Variants in GRIP1 observed in about 807,000 individuals in gnomAD.
GRIP1 encodes the protein glutamate receptor interacting protein 1, also known as glutamate receptor-interacting protein 1.
GRIP1 carries 45 observed loss-of-function variants against 129.9 expected under a neutral mutation model. That is an observed-to-expected ratio of 0.35 (90% CI 0.27 to 0.44). The LOEUF (loss-of-function observed/expected upper bound fraction) is 0.44, where lower values mean the gene tolerates loss of function less well. GRIP1 is among the 20% of genes least tolerant of loss of function. The probability of loss-of-function intolerance (pLI) is 1.00; values close to 1 mark genes in which losing one functional copy is unlikely to be tolerated. For synonymous variants in GRIP1, 530 were observed against 520.8 expected (o/e 1.02, Z -0.24); for missense variants, 1,196 against 1,396.8 (o/e 0.86, Z 2.29).
intron 7 of GRIP1, among the ~76,000 whole-genome samples, chr12:66,470,156 T>C (rs1037094472): frequency 3.3e-5 from 5 of 152,166 alleles, no homozygotes; most frequent in African/African-American, 1.2e-4. Flanking sequence ...ATCCTTTAAA[T>C]TGAATATCTC....
At chr12:66,863,041 G>C (rs2040140209) in intron 1 of GRIP1, among the ~76,000 whole-genome samples, 1 of 151,572 alleles carries the variant, frequency 6.6e-6, no homozygotes, top group South Asian at 2.1e-4. Flanking sequence ...TCAGAAAAAG[G>C]AATAATGTTC....
At chr12:66,665,079 T>A (rs2033721774) in intron 1 of GRIP1, among the ~76,000 whole-genome samples, 1 of 152,136 alleles carries the variant, frequency 6.6e-6, no homozygotes, top group Non-Finnish European at 1.5e-5. Context: ...AGTGGGGCGA[T>A]CACTGCTCAC....
chr12:66,946,149 A>T (rs1367483077), intron 1 of GRIP1, among the ~76,000 whole-genome samples: 3 of 152,192 alleles, frequency 2.0e-5, no homozygotes, highest in Non-Finnish European at 4.4e-5. Context: ...CTTTTCAAAA[A>T]TTCTGACATG....
intron 1 of GRIP1, among the ~76,000 whole-genome samples, chr12:66,624,984 A>G (rs777819232): frequency 6.7e-6 from 1 of 149,186 alleles, no homozygotes; most frequent in Admixed American, 6.7e-5. Context: ...TTACTTTTAG[A>G]TCATGTATTT....
intron 14 of GRIP1, among the ~76,000 whole-genome samples, chr12:66,425,572 C>T (rs938251075): frequency 9.2e-5 from 14 of 152,156 alleles, no homozygotes; most frequent in African/African-American, 3.1e-4. Context: ...AGAACCAACC[C>T]AAATGTCCAA....
In GRIP1 at chr12:66,736,346, A is replaced by ATTTTTTTTTTTTTTTTTTTTT. The variant is rs547706592; in HGVS notation, c.-420+67686_-420+67706dup. On this transcript the variant is annotated intron_variant, in intron 1 of 4. Transcript: ENST00000538373. The stretch of plus-strand genomic sequence containing the variant: ...AGGTGTGCACCACCGTGCCTGGCTA[A>ATTTTTTTTTTTTTTTTTTTTT]TTTTTTTTTTTTTTTTTTTTTTTTT... Among the ~76,000 whole-genome samples the ATTTTTTTTTTTTTTTTTTTTT allele has an allele frequency of 4.5e-5, 3 of 67,004 alleles. 1 individual carries two copies. The highest frequency in any genetic ancestry group is 6.5e-5 in the African/African-American group (1 of 15,360). 44.0% of individuals were successfully genotyped at this position (67,004 alleles called of 152,430 possible).
rs560018284 is a variant in GRIP1, at chr12:66,689,909, AT to A, written c.-419-59574del. 5.9e-5 allele frequency among the ~76,000 whole-genome samples: 9 copies of A among 151,898 alleles called. No homozygotes were observed. The South Asian group carries it at 1.9e-3, about 32-fold the overall frequency. On this transcript the variant is annotated intron_variant, in intron 1 of 4. Transcript: ENST00000538373. ...ATGTATTGTAATTTTAAAATTATTT[AT>A]TTTTATTTATTTATTTATTTATTTT... is the stretch of plus-strand genomic sequence containing the variant.
At chr12:66,369,062 C>G (rs1173007985) in intron 23 of GRIP1, among the ~76,000 whole-genome samples, 1 of 152,160 alleles carries the variant, frequency 6.6e-6, no homozygotes, top group Non-Finnish European at 1.5e-5. Flanking sequence ...ATGTCTAGGA[C>G]ACCACTTATT....
chr12:67,002,343 A>T (rs1269339591), intron 1 of GRIP1, among the ~76,000 whole-genome samples: 1 of 152,216 alleles, frequency 6.6e-6, no homozygotes, highest in Non-Finnish European at 1.5e-5. Flanking sequence ...TCACTGACCT[A>T]AATATTAAAG....
At chr12:66,717,008 T>G (rs559098935) in intron 1 of GRIP1, among the ~76,000 whole-genome samples, 1 of 152,214 alleles carries the variant, frequency 6.6e-6, no homozygotes, top group South Asian at 2.1e-4. Context: ...ACTATTTATA[T>G]AACTCTGCTT....
intron 1 of GRIP1, among the ~76,000 whole-genome samples, chr12:66,675,238 G>A (rs528470137): frequency 3.3e-5 from 5 of 152,242 alleles, no homozygotes; most frequent in Admixed American, 2.6e-4. Context: ...GCCCAGAGCC[G>A]TGCTCCCTGT....
At chr12:66,640,302 T>G (rs2031808254) in intron 1 of GRIP1, among the ~76,000 whole-genome samples, 1 of 152,218 alleles carries the variant, frequency 6.6e-6, no homozygotes, top group South Asian at 2.1e-4. Flanking sequence ...TCCAAGCACA[T>G]TACTTAGCAC....
chr12:66,898,873 G>C (rs1488100517), intron 1 of GRIP1, among the ~76,000 whole-genome samples: 1 of 152,130 alleles, frequency 6.6e-6, no homozygotes, highest in Non-Finnish European at 1.5e-5. Flanking sequence ...AGCCTGTGCT[G>C]ACAGGGATTG....
chr12:66,654,399 G>A (rs1356038123), intron 1 of GRIP1, among the ~76,000 whole-genome samples: 10 of 152,170 alleles, frequency 6.6e-5, no homozygotes, highest in Admixed American at 3.3e-4. Context: ...GAGGATTTTT[G>A]GAAAGGTAAA....
At chr12:67,013,381 A>G (rs1457425349) in intron 1 of GRIP1, among the ~76,000 whole-genome samples, 1 of 152,190 alleles carries the variant, frequency 6.6e-6, no homozygotes, top group East Asian at 1.9e-4. Context: ...TAAAATGGTC[A>G]AAAACAATCT....
intron 2 of GRIP1, among the ~76,000 whole-genome samples, chr12:66,591,117 A>G (rs766299322): frequency 1.4e-4 from 22 of 151,986 alleles, no homozygotes; most frequent in Non-Finnish European, 2.9e-4. Context: ...CTAGGGACTG[A>G]GAAATAAAAA....
chr12:66,465,240 C>T, intron 8 of GRIP1, 35 bp downstream of exon 8: 1 of 1,602,216 alleles, frequency 6.2e-7, no homozygotes, highest in Admixed American at 1.7e-5. Flanking sequence ...GCCACTGCGC[C>T]TGGCGGAAAA....
chr12:66,873,551 T>C (rs1016681999), intron 1 of GRIP1, among the ~76,000 whole-genome samples: 9 of 152,086 alleles, frequency 5.9e-5, no homozygotes, highest in Non-Finnish European at 1.2e-4. Flanking sequence ...TTGCATTCTA[T>C]TTTTCAGCCA....
intron 1 of GRIP1, among the ~76,000 whole-genome samples, chr12:66,729,176 C>T (rs560263687): frequency 1.3e-5 from 2 of 152,058 alleles, no homozygotes; most frequent in African/African-American, 4.8e-5. Context: ...ATGTGCACCA[C>T]TGAGCCTAAC....
Sources: gnomAD v4.1 joint callset for allele counts (sites outside exome capture counted in the v4.1 genomes callset) on GRCh38, gnomAD v4.1.1 for gene constraint, MANE v1.5 for transcripts, NCBI Gene and HGNC (gene_info 2026-07-23, HGNC 2026-07-21) for gene names.